GARIN1A: variants seen among roughly 807,000 people sequenced by gnomAD.
The protein encoded by GARIN1A is golgi associated RAB2 interactor 1A.
chr7:128,675,980 C>CCTG, the GARIN1A span: 1 of 643,546 alleles, frequency 1.6e-6, no homozygotes, highest in Non-Finnish European at 2.7e-6. Context: ...CCCTGTAGAA[C>CCTG]TCATTCATTC....
At chr7:128,688,950 G>A in the GARIN1A span, among the ~76,000 whole-genome samples, 2 of 151,260 alleles carry the variant, frequency 1.3e-5, no homozygotes, top group South Asian at 2.1e-4. Context: ...GCAGGCGCGC[G>A]CCACCACGCC....
chr7:128,675,639 T>C, the GARIN1A span: 2 of 1,610,062 alleles, frequency 1.2e-6, no homozygotes, highest in Non-Finnish European at 1.7e-6. Flanking sequence ...TGTTTTCTGC[T>C]CCTTTCTGAC....
chr7:128,672,314 G>A, the GARIN1A span: 2 of 1,205,818 alleles, frequency 1.7e-6, no homozygotes, highest in Non-Finnish European at 2.3e-6. Context: ...GGAGGTGGGG[G>A]CAGATCACAT....
At chr7:128,689,175 C>A in the GARIN1A span, among the ~76,000 whole-genome samples, 1 of 152,196 alleles carries the variant, frequency 6.6e-6, no homozygotes, top group African/African-American at 2.4e-5. Flanking sequence ...CAGCCGCCTA[C>A]CTTGGCCTTC....
At chr7:128,701,017 A>G in the GARIN1A span, among the ~76,000 whole-genome samples, 1 of 152,038 alleles carries the variant, frequency 6.6e-6, no homozygotes, top group African/African-American at 2.4e-5. Flanking sequence ...GGTGGAACCA[A>G]CTGATAGGAA....
At chr7:128,677,980 A>T in the GARIN1A span, 3 of 500,882 alleles carry the variant, frequency 6.0e-6, no homozygotes, top group South Asian at 9.3e-5. Flanking sequence ...AATTTATTTG[A>T]CCAGTCCCTA....
the GARIN1A span, among the ~76,000 whole-genome samples, chr7:128,675,247 C>G: frequency 6.6e-6 from 1 of 152,202 alleles, no homozygotes; most frequent in Non-Finnish European, 1.5e-5. Flanking sequence ...TCCCTCAACT[C>G]AAGCTGTCTG....
the GARIN1A span, chr7:128,672,655 G>GT: frequency 3.5e-6 from 2 of 577,072 alleles, no homozygotes; most frequent in Non-Finnish European, 5.5e-6. Context: ...GGGGAGGGGG[G>GT]GGCGGGGGGA....
the GARIN1A span, among the ~76,000 whole-genome samples, chr7:128,699,260 GCC>G: frequency 0.57 from 59,801 of 105,216 alleles, 17,696 homozygotes; most frequent in Middle Eastern, 0.65. Context: ...CATACCTGCT[GCC>G]CCCCCCCCCC....
At chr7:128,701,363 A>G in the GARIN1A span, among the ~76,000 whole-genome samples, 2 of 24,416 alleles carry the variant, frequency 8.2e-5, no homozygotes, top group African/African-American at 1.9e-4. Flanking sequence ...GGGGAAGGGG[A>G]GGGGAGGGGA....
chr7:128,708,438 G>T, the GARIN1A span, among the ~76,000 whole-genome samples: 1 of 152,130 alleles, frequency 6.6e-6, no homozygotes, highest in East Asian at 1.9e-4. Flanking sequence ...AAATCAGCCT[G>T]AAGAACTGAA....
chr7:128,674,243 G>A, the GARIN1A span, among the ~76,000 whole-genome samples: 1 of 152,120 alleles, frequency 6.6e-6, no homozygotes, highest in Non-Finnish European at 1.5e-5. Flanking sequence ...CTTAGAATGT[G>A]CTAGGGAGAG....
chr7:128,699,784 G>A, the GARIN1A span, among the ~76,000 whole-genome samples: 6 of 152,194 alleles, frequency 3.9e-5, no homozygotes, highest in Admixed American at 1.3e-4. Context: ...GATCTGGTCT[G>A]CATGCTATAT....
the GARIN1A span, among the ~76,000 whole-genome samples, chr7:128,681,360 C>T: frequency 6.6e-6 from 1 of 151,980 alleles, no homozygotes; most frequent in Admixed American, 6.6e-5. Flanking sequence ...TTAAAGCTAC[C>T]TTTTTTCTCT....
chr7:128,679,707 C>G, the GARIN1A span, among the ~76,000 whole-genome samples: 1 of 152,118 alleles, frequency 6.6e-6, no homozygotes, highest in African/African-American at 2.4e-5. Context: ...TGCTTTCCTC[C>G]TCTCACTTAA....
chr7:128,689,731 G>A, the GARIN1A span, among the ~76,000 whole-genome samples: 1 of 118,048 alleles, frequency 8.5e-6, no homozygotes, highest in Non-Finnish European at 1.9e-5. Context: ...CACCCCGTCC[G>A]GGAGGGAGGT....
chr7:128,683,214 T>C, the GARIN1A span: 2 of 1,354,122 alleles, frequency 1.5e-6, no homozygotes, highest in South Asian at 1.4e-5. Flanking sequence ...CCACCTCTTA[T>C]AATGCTCCTT....
chr7:128,707,257 G>A, the GARIN1A span, among the ~76,000 whole-genome samples: 2 of 132,806 alleles, frequency 1.5e-5, no homozygotes, highest in Non-Finnish European at 3.3e-5. Flanking sequence ...TGTGAAGAAT[G>A]TTCAATATAA....
chr7:128,704,430 A>G, the GARIN1A span, among the ~76,000 whole-genome samples: 149,879 of 152,074 alleles, frequency 0.99, 73,881 homozygotes, highest in Middle Eastern at 1. Flanking sequence ...TGAGCCTCCC[A>G]AGTAGCTGGG....
Sources: gnomAD v4.1 joint callset for allele counts (sites outside exome capture counted in the v4.1 genomes callset) on GRCh38, gnomAD v4.1.1 for gene constraint, MANE v1.5 for transcripts, NCBI Gene and HGNC (gene_info 2026-07-23, HGNC 2026-07-21) for gene names.